GSPT1: variants seen among roughly 807,000 people sequenced by gnomAD.
GSPT1 encodes the protein eukaryotic peptide chain release factor GTP-binding subunit ERF3A.
A neutral mutation model predicts 72.5 loss-of-function variants in GSPT1; 20 were observed. The ratio of observed to expected loss-of-function variants is 0.28; its 90% CI spans 0.19 to 0.40. GSPT1 has a LOEUF of 0.40. Ranked by LOEUF, GSPT1 falls within the 10% of genes least tolerant of loss-of-function variation. The pLI is 1.00. For missense variants in GSPT1, 580 were observed against 811.9 expected (o/e 0.71, Z 3.47); for synonymous variants, 334 against 293.5 (o/e 1.14, Z -1.41).
chr16:11,886,864 G>A lies in GSPT1; in HGVS notation c.1025C>T (p.Ala342Val). Residue 342 changes from alanine (A) to valine (V), a missense_variant, in exon 8 of 15, where the codon GCA becomes GTA. Ala to Val is a moderately conservative substitution (Grantham distance 64). Coordinates refer to ENST00000434724, the MANE Select transcript of GSPT1 (RefSeq NM_002094.4). ...TACACCTGCTGTCTTTGCCAACATT[G>A]CATGTTCTCTTGTCTGTCCTCCTTT... ...FEKGGQTREH[A>V]MLAKTAGVKH... is the part of the protein sequence containing the mutation. 6.2e-7 allele frequency: 1 copy of A among 1,612,788 alleles called. No homozygotes were observed. Among genetic ancestry groups the A allele is most frequent in the Non-Finnish European group, 8.5e-7 (1 of 1,178,866 alleles).
In GSPT1 at chr16:11,896,639, T is replaced by C. The variant is rs200623689; in HGVS notation, c.583A>G (p.Ile195Val). 27 of 1,609,774 alleles carry C rather than the reference T, an allele frequency of 1.7e-5. No individual in the cohort carries two copies. The African/African-American group carries it at 3.3e-4, about 20-fold the overall frequency. The change falls in exon 4 of 15, where the codon ATC (isoleucine) becomes GTC (valine). Residue 195 changes from isoleucine to valine, a missense_variant. By Grantham distance (29) the Ile-to-Val change is conservative. This residue lies in a region of GSPT1 where 327 missense variants were observed against 298.8 expected (regional missense o/e 1.09). Coordinates refer to ENST00000434724, the MANE Select transcript of GSPT1 (RefSeq NM_002094.4). Reference protein sequence around the residue: ...AHEMMEEEEEIPKPKSVVAPP... With the variant: ...AHEMMEEEEEVPKPKSVVAPP... The stretch of plus-strand genomic sequence containing the variant: ...GCAACCACAGACTTAGGTTTTGGGA[T>C]TTCCTCTTCCTCCTCCATCATTTCA...
At chr16:11,914,754 C>G (rs1428801990) in intron 1 of GSPT1, among the ~76,000 whole-genome samples, 2 of 152,184 alleles carry the variant, frequency 1.3e-5, no homozygotes, top group Non-Finnish European at 2.9e-5. Flanking sequence ...GAAGCGTACA[C>G]AATGCTAAGG....
At chr16:11,899,162 G>GC (rs1456120152) in intron 1 of GSPT1, among the ~76,000 whole-genome samples, 2 of 152,124 alleles carry the variant, frequency 1.3e-5, no homozygotes, top group African/African-American at 4.8e-5. Flanking sequence ...ATCATGCACA[G>GC]CAAGTATGAA....
At chr16:11,907,915 G>A (rs13335494) in intron 1 of GSPT1, among the ~76,000 whole-genome samples, 29,604 of 152,170 alleles carry the variant, frequency 0.19, 7,124 homozygotes, top group African/African-American at 0.56. Context: ...AACCCTGAAA[G>A]ACAGTCTTAT....
rs772655805 is a variant in GSPT1 at position 11,896,521 on chromosome 16, G to A, written c.664+37C>T. 13 of 1,107,040 alleles carry A rather than the reference G, an allele frequency of 1.2e-5. No individual in the cohort carries two copies. The Admixed American group carries it at 2.6e-4, about 22-fold the overall frequency. The allele number at this position is 1,107,040 out of a possible 1,614,324, so 68.6% of individuals were successfully genotyped here. ...CTAAAAAGGATGTTCTATGTTTTATGTATCCAGTAACTTTAATTGCTATGA... is the reference window on the plus strand; with the variant it reads ...CTAAAAAGGATGTTCTATGTTTTATATATCCAGTAACTTTAATTGCTATGA... On this transcript the variant is annotated intron_variant, in intron 4 of 14. Transcript: ENST00000434724.
chr16:11,894,571 T>A (rs538226873), intron 5 of GSPT1, among the ~76,000 whole-genome samples: 1 of 152,316 alleles, frequency 6.6e-6, no homozygotes, highest in Non-Finnish European at 1.5e-5. Context: ...TCTGTGTTCA[T>A]TTTTTATTTT....
intron 14 of GSPT1, 52 bp from the exon 15 acceptor site, chr16:11,873,223 TA>T: frequency 1.2e-6 from 1 of 865,406 alleles, no homozygotes; most frequent in South Asian, 1.4e-5. Context: ...CAAGTCTATA[TA>T]AGATATTAAA....
chr16:11,900,364 T>C (rs1390640986), intron 1 of GSPT1, among the ~76,000 whole-genome samples: 2 of 151,668 alleles, frequency 1.3e-5, no homozygotes, highest in East Asian at 3.9e-4. Context: ...TGAATACATA[T>C]ATATATGTAT....
In GSPT1 at chr16:11,892,528, A is replaced by AT. The variant is rs1301507072; in HGVS notation, c.699-1390_699-1389insA. Reference sequence around the variant, plus strand: ...TCTCAAAAAAACAAAAAAAACAAAAAAAACAAAAAATAAAAAATGGCCGGG... The same window carrying AT: ...TCTCAAAAAAACAAAAAAAACAAAAATAAACAAAAAATAAAAAATGGCCGGG... On this transcript the variant is annotated intron_variant, in intron 5 of 14. Transcript: ENST00000434724. 2.3e-3 allele frequency among the ~76,000 whole-genome samples: 334 copies of AT among 147,982 alleles called. 9 individuals are homozygous for AT. The highest frequency in any genetic ancestry group is 8.1e-3 in the African/African-American group (320 of 39,522).
At position 11,888,110 on chromosome 16, in the gene GSPT1, G is replaced by A. The variant is rs192298732; in HGVS notation, c.777-360C>T. 7.4e-4 allele frequency among the ~76,000 whole-genome samples: 112 copies of A among 152,202 alleles called. No individual in the cohort carries two copies. In the Middle Eastern group the frequency reaches 0.02, roughly 28 times the overall value. ...GAGGAGGTTGCAGCGAGCCAAGACCGTGCCATTGCACTCCAGCCTGGGCGA... is the reference window on the plus strand; with the variant it reads ...GAGGAGGTTGCAGCGAGCCAAGACCATGCCATTGCACTCCAGCCTGGGCGA... On this transcript the variant is annotated intron_variant, in intron 6 of 14. Coordinates refer to ENST00000434724, the MANE Select transcript of GSPT1 (RefSeq NM_002094.4).
intron 6 of GSPT1, among the ~76,000 whole-genome samples, chr16:11,888,342 G>C (rs1001136943): frequency 6.6e-6 from 1 of 150,996 alleles, no homozygotes; most frequent in African/African-American, 2.4e-5. Flanking sequence ...CACACCTGTA[G>C]TCACAGCTAT....
At chr16:11,892,851 A>AAAAAG (rs1555504748) in intron 5 of GSPT1, among the ~76,000 whole-genome samples, 79 of 144,088 alleles carry the variant, frequency 5.5e-4, no homozygotes, top group African/African-American at 1.9e-3. Flanking sequence ...AAAAAAAAAA[A>AAAAAG]AAAAGAAAAG....
intron 9 of GSPT1, among the ~76,000 whole-genome samples, chr16:11,885,598 AC>A (rs138955080): frequency 0.013 from 1,931 of 152,300 alleles, 39 homozygotes; most frequent in African/African-American, 0.045. Flanking sequence ...TCCCCTTTAA[AC>A]ATACAGTATT....
At position 11,887,661 on chromosome 16, in the gene GSPT1, T is replaced by C. The variant is rs546531969; in HGVS notation, c.866A>G (p.Lys289Arg). Residue 289 changes from lysine to arginine, a missense_variant, in exon 7 of 15, where the codon AAG (lysine) becomes AGG (arginine). Physicochemically the swap from Lys to Arg is conservative, Grantham distance 26. Transcript: ENST00000434724. ...EVGRAYFETE[K>R]KHFTILDAPG... is the part of the protein sequence containing the mutation. Reference sequence around the variant, plus strand: ...GGCATCTAGAATTGTGAAATGCTTCTTTTCGGTTTCAAAATAGGCACGACC... The same window carrying C: ...GGCATCTAGAATTGTGAAATGCTTCCTTTCGGTTTCAAAATAGGCACGACC... The C allele has an allele frequency of 4.3e-6, 7 of 1,613,718 alleles. No individual in the cohort carries two copies. In the African/African-American group the frequency reaches 5.3e-5, roughly 12 times the overall value.
At chr16:11,904,687 T>G (rs938691314) in intron 1 of GSPT1, among the ~76,000 whole-genome samples, 10 of 152,132 alleles carry the variant, frequency 6.6e-5, no homozygotes, top group African/African-American at 1.9e-4. Context: ...ACGTTTTGAT[T>G]CAAGTTACAT....
intron 6 of GSPT1, among the ~76,000 whole-genome samples, chr16:11,888,259 A>G (rs1367023247): frequency 6.6e-6 from 1 of 152,072 alleles, no homozygotes; most frequent in Non-Finnish European, 1.5e-5. Context: ...TGAGGTCAGG[A>G]GTTCGAGACT....
chr16:11,915,023 G>A (rs1348337387), intron 1 of GSPT1: 6 of 1,290,098 alleles, frequency 4.7e-6, no homozygotes, highest in Non-Finnish European at 6.1e-6. Flanking sequence ...TCCTCATTCT[G>A]CGCCTCGTGG....
At chr16:11,887,504 T>G in intron 7 of GSPT1, 66 bp downstream of exon 7, 2 of 1,309,186 alleles carry the variant, frequency 1.5e-6, no homozygotes, top group Admixed American at 2.0e-5. Flanking sequence ...GAAGATAAAT[T>G]CAAATTTAAA....
Position 11,872,106 on chromosome 16 carries a change from A to G in GSPT1, c.*1013T>C, listed in dbSNP as rs2053985613. 1.3e-5 allele frequency: 2 copies of G among 152,216 alleles called. No homozygotes were observed. Among genetic ancestry groups the G allele is most frequent in the Admixed American group, 6.5e-5 (1 of 15,282 alleles). The allele number at this position is 152,216 out of a possible 1,614,324, so 9.4% of individuals were successfully genotyped here. On this transcript the variant is annotated 3_prime_UTR_variant, in exon 15 of 15. Coordinates refer to ENST00000434724, the MANE Select transcript of GSPT1 (RefSeq NM_002094.4). Reference sequence around the variant, plus strand: ...CCAACCTTTAAAGTTACTGATACAAAGAGTAAACTGAGTAACTTGTAGAAG... The same window carrying G: ...CCAACCTTTAAAGTTACTGATACAAGGAGTAAACTGAGTAACTTGTAGAAG...
Sources: gnomAD v4.1 joint callset for allele counts (sites outside exome capture counted in the v4.1 genomes callset) on GRCh38, gnomAD v4.1.1 for gene constraint, gnomAD v4.1.1 regional missense constraint, MANE v1.5 for transcripts, NCBI Gene and HGNC (gene_info 2026-07-23, HGNC 2026-07-21) for gene names.